Variants in MAPK6 observed in about 807,000 individuals in gnomAD.
MAPK6 encodes mitogen-activated protein kinase 6, also known as ERK-3.
A neutral mutation model predicts 59.3 loss-of-function variants in MAPK6; 19 were observed. The ratio of observed to expected loss-of-function variants is 0.32; its 90% CI spans 0.22 to 0.47. The LOEUF (loss-of-function observed/expected upper bound fraction) is 0.47, where lower values mean the gene tolerates loss of function less well. Among genes scored for constraint, MAPK6 ranks in the 20% least tolerant of loss-of-function variants. The pLI, the probability that MAPK6 is intolerant of heterozygous loss-of-function variation, is 1.00. For synonymous variants in MAPK6, 316 were observed against 290.3 expected (o/e 1.09, Z -0.90); for missense variants, 724 against 847.9 (o/e 0.85, Z 1.81).
chr15:52,063,788 C>G, intron 5 of MAPK6, 114 bp from the exon 6 acceptor site: 1 of 810,924 alleles, frequency 1.2e-6, no homozygotes, highest in Non-Finnish European at 1.8e-6. Context: ...TATTTACTCT[C>G]CTATAATTAT....
intron 2 of MAPK6, among the ~76,000 whole-genome samples, chr15:51,999,284 C>G (rs1421353591): frequency 1.3e-5 from 2 of 152,174 alleles, no homozygotes; most frequent in East Asian, 1.9e-4. Flanking sequence ...TAGGTGTGAG[C>G]CACCGCGCCC....
intron 1 of MAPK6, among the ~76,000 whole-genome samples, chr15:52,023,023 CT>C (rs1345143197): frequency 7.6e-6 from 1 of 130,786 alleles, no homozygotes; most frequent in African/African-American, 2.8e-5. Flanking sequence ...AGGAGAATCG[CT>C]TGAACCCGGG....
upstream of MAPK6, among the ~76,000 whole-genome samples, chr15:52,016,041 GCCAAACTCCAT>G (rs2030232217): frequency 2.6e-5 from 3 of 115,680 alleles, no homozygotes; most frequent in African/African-American, 9.7e-5. Flanking sequence ...GGGCCACAGA[GCCAAACTCCAT>G]CGCGCGCGCG....
chr15:52,016,070 G>GCACACA (rs1175427042), upstream of MAPK6, among the ~76,000 whole-genome samples: 6,326 of 55,336 alleles, frequency 0.11, 589 homozygotes, highest in Non-Finnish European at 0.13. Context: ...GCGCGCGCGC[G>GCACACA]CACACACACA....
chr15:52,036,136 T>A (rs951100348), intron 1 of MAPK6, among the ~76,000 whole-genome samples: 1 of 151,888 alleles, frequency 6.6e-6, no homozygotes, highest in Non-Finnish European at 1.5e-5. Context: ...TACCTGGCTC[T>A]GCCTGGGTGA....
chr15:51,991,887 C>G lies in MAPK6; in HGVS notation c.-770+8572C>G, dbSNP rs565022282. Among the ~76,000 whole-genome samples, 3 of 152,292 alleles carry G rather than the reference C, an allele frequency of 2.0e-5. No individual in the cohort carries two copies. In the East Asian group the frequency reaches 5.8e-4, roughly 29 times the overall value. On this transcript the variant is annotated intron_variant, in intron 2 of 7. Transcript: ENST00000691380. ...CTTACTGAGATCTGGGTTTATATAG[C>G]TTTAGGACATTTGAAGTATCTTTGT...
Position 52,027,754 on chromosome 15 carries a change from T to TTTAC in MAPK6, c.-632+8381_-632+8382insCTTA, listed in dbSNP as rs1278142353. The TTTAC allele has an allele frequency of 3.9e-5, 5 of 128,256 alleles. No individual in the cohort carries two copies. The East Asian group carries it at 1.2e-3, about 30-fold the overall frequency. 7.9% of individuals were successfully genotyped at this position (128,256 alleles called of 1,614,324 possible). On this transcript the variant is annotated intron_variant, in intron 1 of 5. Coordinates refer to ENST00000261845, the MANE Select transcript of MAPK6 (RefSeq NM_002748.4). ...TGCTCAGCCTGTTGATTTCTCTTTATTTATTTATTTATTTATTTATTTATT... is the reference window on the plus strand; with the variant it reads ...TGCTCAGCCTGTTGATTTCTCTTTATTTACTTATTTATTTATTTATTTATTTATT...
chr15:52,023,480 G>T (rs553283410), intron 1 of MAPK6, among the ~76,000 whole-genome samples: 2 of 152,290 alleles, frequency 1.3e-5, no homozygotes, highest in South Asian at 4.1e-4. Context: ...ATTTTCCAGG[G>T]GTTGCTTTCA....
chr15:52,021,086 T>C (rs938070121), intron 1 of MAPK6, among the ~76,000 whole-genome samples: 2 of 152,220 alleles, frequency 1.3e-5, no homozygotes, highest in Non-Finnish European at 2.9e-5. Context: ...CTTTCTGTTA[T>C]TAAAAAATCC....
chr15:52,016,060 G>A (rs1232864251), upstream of MAPK6, among the ~76,000 whole-genome samples: 48 of 56,990 alleles, frequency 8.4e-4, 1 homozygote, highest in African/African-American at 3.4e-3. Flanking sequence ...CATCGCGCGC[G>A]CGCGCGCGCG....
chr15:52,064,487 T>G lies in MAPK6; in HGVS notation c.1653T>G (p.Asn551Lys). The change falls in exon 6 of 6, where the codon AAT becomes AAG. Residue 551 changes from asparagine (N) to lysine (K), a missense_variant. Transcript: ENST00000261845. ...CTACTGATGTTGTTGATAAATTAAA[T>G]GACTTGAATAGCTCAGTGTCCCAAC... ...HEPTDVVDKL[N>K]DLNSSVSQLE... The G allele has an allele frequency of 6.2e-7, 1 of 1,607,652 alleles. No homozygotes were observed. The highest frequency in any genetic ancestry group is 8.5e-7 in the Non-Finnish European group (1 of 1,177,616).
At chr15:52,014,156 T>C (rs1284699314) in intron 3 of MAPK6, among the ~76,000 whole-genome samples, 1 of 152,124 alleles carries the variant, frequency 6.6e-6, no homozygotes, top group Admixed American at 6.6e-5. Context: ...TCTTATCAAT[T>C]GTTCCTTCCA....
intron 1 of MAPK6, among the ~76,000 whole-genome samples, chr15:52,041,181 C>CTTTGTTTTTTTGTTTT: frequency 6.6e-6 from 1 of 151,996 alleles, no homozygotes. Flanking sequence ...AAGCTTTAAA[C>CTTTGTTTTTTTGTTTT]TTTGTTTTTT....
intron 1 of MAPK6, among the ~76,000 whole-genome samples, chr15:52,043,815 A>G (rs1346617513): frequency 8.4e-5 from 10 of 118,446 alleles, no homozygotes; most frequent in African/African-American, 3.0e-4. Context: ...CTGGAGTGCA[A>G]TGGCAGGATC....
At chr15:52,048,463 C>T (rs968688491) in intron 2 of MAPK6, among the ~76,000 whole-genome samples, 7 of 151,270 alleles carry the variant, frequency 4.6e-5, no homozygotes, top group African/African-American at 1.7e-4. Flanking sequence ...CCTAAAAATA[C>T]AAAATTAGCT....
At chr15:52,051,898 G>A (rs1292554527) in intron 3 of MAPK6, among the ~76,000 whole-genome samples, 1 of 151,778 alleles carries the variant, frequency 6.6e-6, no homozygotes, top group African/African-American at 2.4e-5. Context: ...TTTCTAAGAT[G>A]TATGATAGTT....
chr15:51,975,479 T>G (rs2057154694), intron 1 of MAPK6, among the ~76,000 whole-genome samples: 1 of 151,430 alleles, frequency 6.6e-6, no homozygotes, highest in Non-Finnish European at 1.5e-5. Flanking sequence ...AGGCGGAGGT[T>G]GCAGTGAGCC....
rs79396750 is a variant in MAPK6 at position 52,013,904 on chromosome 15, C to A, written c.-632+9502C>A. Among the ~76,000 whole-genome samples, 622 of 152,162 alleles carry A rather than the reference C, an allele frequency of 4.1e-3. 3 individuals are homozygous for A. Among genetic ancestry groups the A allele is most frequent in the African/African-American group, 4.9e-3 (204 of 41,496 alleles). On this transcript the variant is annotated intron_variant, in intron 3 of 7. Transcript: ENST00000691380. ...AAATACTAGTTGTATCCTTTATGTTCCTCTCCTACTCTCTTTAGTGTAAAA... is the reference window on the plus strand; with the variant it reads ...AAATACTAGTTGTATCCTTTATGTTACTCTCCTACTCTCTTTAGTGTAAAA...
chr15:52,033,823 G>A (rs1249659511), intron 1 of MAPK6: 1 of 151,072 alleles, frequency 6.6e-6, no homozygotes, highest in African/African-American at 2.4e-5. Context: ...TTCTTTTTGG[G>A]TTGATAGTTT....
Sources: allele counts gnomAD v4.1 joint callset (sites outside exome capture counted in the v4.1 genomes callset), GRCh38; gene constraint gnomAD v4.1.1; transcripts MANE v1.5; gene names NCBI Gene and HGNC (gene_info 2026-07-23, HGNC 2026-07-21).